Variants in MYT1L observed in about 807,000 individuals in gnomAD.
The protein encoded by MYT1L is myelin transcription factor 1-like protein.
In MYT1L, 12 loss-of-function variants were observed where a neutral mutation model predicts 126.7. The ratio of observed to expected loss-of-function variants is 0.09; its 90% CI spans 0.06 to 0.15. MYT1L has a LOEUF of 0.15. Ranked by LOEUF, MYT1L falls within the 10% of genes least tolerant of loss-of-function variation. The pLI is 1.00. For missense variants in MYT1L, 979 were observed against 1,585.2 expected (o/e 0.62, Z 6.49); for synonymous variants, 541 against 604.2 (o/e 0.90, Z 1.53).
At chr2:1,953,320 G>T (rs924838071) in intron 8 of MYT1L, among the ~76,000 whole-genome samples, 3 of 152,178 alleles carry the variant, frequency 2.0e-5, no homozygotes, top group Non-Finnish European at 4.4e-5. Context: ...TAGCATGTGA[G>T]ATTCCACTGC....
intron 21 of MYT1L, among the ~76,000 whole-genome samples, chr2:1,837,035 G>A (rs890877785): frequency 2.0e-5 from 3 of 152,204 alleles, no homozygotes; most frequent in African/African-American, 7.2e-5. Flanking sequence ...TTTGGGAAGG[G>A]GCGTCATGGG....
At chr2:1,851,535 G>T in intron 19 of MYT1L, 106 bp downstream of exon 19, 2 of 1,005,240 alleles carry the variant, frequency 2.0e-6, no homozygotes, top group Non-Finnish European at 3.1e-6. Flanking sequence ...CCTTAATTTT[G>T]CCCATGGTGT....
intron 3 of MYT1L, among the ~76,000 whole-genome samples, chr2:2,076,971 C>T (rs1429700176): frequency 6.6e-6 from 1 of 151,930 alleles, no homozygotes; most frequent in Non-Finnish European, 1.5e-5. Flanking sequence ...TTTGCCTCAC[C>T]AAGTAGAGGA....
intron 18 of MYT1L, among the ~76,000 whole-genome samples, chr2:1,860,747 C>A (rs2044482328): frequency 6.6e-6 from 1 of 152,138 alleles, no homozygotes; most frequent in Non-Finnish European, 1.5e-5. Flanking sequence ...TTGTCCTTAT[C>A]ACTCTCAGAG....
At chr2:1,814,561 G>A (rs767174998) in intron 21 of MYT1L, among the ~76,000 whole-genome samples, 2 of 152,210 alleles carry the variant, frequency 1.3e-5, no homozygotes, top group Non-Finnish European at 2.9e-5. Flanking sequence ...GAAACAGACT[G>A]ACATCATGTC....
intron 1 of MYT1L, among the ~76,000 whole-genome samples, chr2:2,310,231 T>C (rs1215283591): frequency 6.6e-6 from 1 of 152,128 alleles, no homozygotes; most frequent in Non-Finnish European, 1.5e-5. Flanking sequence ...CAGTTACATT[T>C]CAGCATACTC....
At chr2:1,970,433 C>T (rs896303421) in intron 8 of MYT1L, among the ~76,000 whole-genome samples, 2 of 152,212 alleles carry the variant, frequency 1.3e-5, no homozygotes, top group Non-Finnish European at 2.9e-5. Flanking sequence ...AGCCCCAGCC[C>T]CCATCTCACC....
intron 18 of MYT1L, among the ~76,000 whole-genome samples, chr2:1,875,834 C>T (rs1258061703): frequency 1.3e-5 from 2 of 152,334 alleles, no homozygotes; most frequent in South Asian, 2.1e-4. Context: ...AGAATTAACT[C>T]GCTGCTCCCT....
chr2:1,916,882 A>G (rs755998528), intron 11 of MYT1L, among the ~76,000 whole-genome samples: 2 of 152,174 alleles, frequency 1.3e-5, no homozygotes, highest in Non-Finnish European at 2.9e-5. Context: ...CATCGAATTC[A>G]ATTCTGTAAT....
At chr2:2,143,865 A>C (rs1268979780) in intron 3 of MYT1L, among the ~76,000 whole-genome samples, 1 of 152,080 alleles carries the variant, frequency 6.6e-6, no homozygotes, top group African/African-American at 2.4e-5. Flanking sequence ...ACAGGAACAG[A>C]AAACCAAATG....
chr2:1,868,080 C>A, intron 18 of MYT1L, among the ~76,000 whole-genome samples: 1 of 152,230 alleles, frequency 6.6e-6, no homozygotes, highest in East Asian at 1.9e-4. Context: ...GATTCCCCTG[C>A]CTCAGCCTCC....
rs13018578 is a variant in MYT1L, at chr2:1,975,601, C to T, written c.152+3564G>A. ...AAAATGATCTGGGTGTGGTGGCATGCGCCTGTGATCCCAGCACTTTGGGAG... is the reference window on the plus strand; with the variant it reads ...AAAATGATCTGGGTGTGGTGGCATGTGCCTGTGATCCCAGCACTTTGGGAG... On this transcript the variant is annotated intron_variant, in intron 8 of 24. Transcript: ENST00000647738. 1.5e-3 allele frequency among the ~76,000 whole-genome samples: 230 copies of T among 152,118 alleles called. 3 individuals are homozygous for T. In the East Asian group the frequency reaches 0.031, roughly 20 times the overall value.
At chr2:1,870,898 GCTC>G (rs1270379302) in intron 18 of MYT1L, among the ~76,000 whole-genome samples, 1 of 152,224 alleles carries the variant, frequency 6.6e-6, no homozygotes, top group East Asian at 1.9e-4. Context: ...TGGAGACCCA[GCTC>G]TGCGAGCTGC....
chr2:2,017,793 T>C (rs2064590044), intron 4 of MYT1L, among the ~76,000 whole-genome samples: 1 of 152,188 alleles, frequency 6.6e-6, no homozygotes, highest in African/African-American at 2.4e-5. Context: ...ATGCTATGTG[T>C]TCACTGTCTT....
chr2:1,932,591 C>T (rs1558445167), intron 9 of MYT1L, among the ~76,000 whole-genome samples: 2 of 152,282 alleles, frequency 1.3e-5, no homozygotes, highest in South Asian at 4.1e-4. Flanking sequence ...TACTGTGATG[C>T]CACATAGTGA....
intron 3 of MYT1L, among the ~76,000 whole-genome samples, chr2:2,078,400 G>GAAAC (rs764244614): frequency 6.6e-6 from 1 of 152,038 alleles, no homozygotes; most frequent in Non-Finnish European, 1.5e-5. Context: ...GAATAGATTT[G>GAAAC]AAACAAACAA....
intron 2 of MYT1L, among the ~76,000 whole-genome samples, chr2:2,204,555 C>G (rs1298576788): frequency 7.0e-6 from 1 of 141,928 alleles, no homozygotes; most frequent in Non-Finnish European, 1.5e-5. Context: ...ATCAAAACCA[C>G]AATGAGATAC....
chr2:1,938,681 T>C (rs2056285948), intron 9 of MYT1L, among the ~76,000 whole-genome samples: 1 of 152,184 alleles, frequency 6.6e-6, no homozygotes. Flanking sequence ...TAATCTTAAT[T>C]AGCCTCAGTT....
chr2:2,027,130 C>T (rs528364384), intron 4 of MYT1L, among the ~76,000 whole-genome samples: 1 of 152,290 alleles, frequency 6.6e-6, no homozygotes, highest in South Asian at 2.1e-4. Context: ...GCCGCTGCCG[C>T]CACAGACTGA....
Sources: allele counts gnomAD v4.1 joint callset (sites outside exome capture counted in the v4.1 genomes callset), GRCh38; gene constraint gnomAD v4.1.1; transcripts MANE v1.5; gene names NCBI Gene and HGNC (gene_info 2026-07-23, HGNC 2026-07-21).